Variants in STK32B observed in about 807,000 individuals in gnomAD.
The protein encoded by STK32B is serine/threonine-protein kinase 32B.
A neutral mutation model predicts 52.6 loss-of-function variants in STK32B; 43 were observed. The ratio of observed to expected loss-of-function variants is 0.82; its 90% CI spans 0.64 to 1.05. The LOEUF is 1.05. STK32B is among the 50% of genes least tolerant of loss of function. The pLI is 0.00. For synonymous variants in STK32B, 238 were observed against 204.3 expected (o/e 1.17, Z -1.41); for missense variants, 621 against 534.6 (o/e 1.16, Z -1.59).
intron 4 of STK32B, among the ~76,000 whole-genome samples, chr4:5,390,964 C>CT (rs71638602): frequency 0.14 from 16,892 of 123,954 alleles, 1,755 homozygotes; most frequent in Admixed American, 0.21. Context: ...TCTTTTCTAT[C>CT]TTTTTTTTTT....
intron 1 of STK32B, among the ~76,000 whole-genome samples, chr4:5,100,148 G>A (rs1272697306): frequency 6.6e-6 from 1 of 152,172 alleles, no homozygotes; most frequent in Non-Finnish European, 1.5e-5. Flanking sequence ...AATCCCTCTC[G>A]ATGCTCCTGA....
chr4:5,164,401 T>C (rs531835079), intron 2 of STK32B, among the ~76,000 whole-genome samples: 1 of 152,316 alleles, frequency 6.6e-6, no homozygotes, highest in South Asian at 2.1e-4. Context: ...GTCATTTGGT[T>C]TGGGCCCGTC....
rs375500712 is a variant in STK32B at position 5,460,274 on chromosome 4, C to A, written c.909+46C>A. 22 of 1,571,500 alleles carry A rather than the reference C, an allele frequency of 1.4e-5. No homozygotes were observed. Among genetic ancestry groups the A allele is most frequent in the Non-Finnish European group, 1.4e-5 (16 of 1,159,150 alleles). On this transcript the variant is annotated intron_variant, in intron 9 of 11. Transcript: ENST00000282908. This position sits in a 1 kb window ranked among gnomAD's most constrained non-coding sequence, Gnocchi z 4.8. ...ATGTCATGCCACCCCTCTGCAGGGT[C>A]CCCGCCTTGGTGCAAAGCAAGACTT...
intron 3 of STK32B, among the ~76,000 whole-genome samples, chr4:5,180,646 G>T (rs954239317): frequency 6.6e-6 from 1 of 152,140 alleles, no homozygotes; most frequent in African/African-American, 2.4e-5. Context: ...ATTGCCTGTT[G>T]GGGTCATAAG....
At chr4:5,221,848 C>G (rs1723557655) in intron 3 of STK32B, among the ~76,000 whole-genome samples, 1 of 71,238 alleles carries the variant, frequency 1.4e-5, no homozygotes, top group Non-Finnish European at 2.6e-5. Flanking sequence ...GAGCAAGACT[C>G]TGTCTCAAAA....
intron 3 of STK32B, among the ~76,000 whole-genome samples, chr4:5,215,673 A>G (rs1309736023): frequency 6.6e-6 from 1 of 152,100 alleles, no homozygotes; most frequent in Non-Finnish European, 1.5e-5. Context: ...TGTCATATTT[A>G]TGCAACATTA....
chr4:5,482,173 G>C (rs1465337576), intron 11 of STK32B, among the ~76,000 whole-genome samples: 1 of 152,108 alleles, frequency 6.6e-6, no homozygotes, highest in African/African-American at 2.4e-5. Flanking sequence ...AATTACCTTG[G>C]GCAGTATGGC....
chr4:5,447,959 C>T (rs1345316068), intron 7 of STK32B, among the ~76,000 whole-genome samples: 2 of 152,204 alleles, frequency 1.3e-5, no homozygotes, highest in Non-Finnish European at 2.9e-5. Context: ...CATGCATATT[C>T]ATGCCCATAG....
intron 3 of STK32B, among the ~76,000 whole-genome samples, chr4:5,180,551 C>T (rs1261170076): frequency 6.6e-6 from 1 of 152,148 alleles, no homozygotes; most frequent in Admixed American, 6.5e-5. Context: ...GTACCACACC[C>T]TATCTCTTCC....
At chr4:5,316,388 AAT>A (rs1240379273) in intron 3 of STK32B, among the ~76,000 whole-genome samples, 1 of 40,358 alleles carries the variant, frequency 2.5e-5, no homozygotes, top group African/African-American at 3.4e-4. Context: ...TTATATATAT[AAT>A]ATATTACATA....
At chr4:5,349,057 A>G (rs866293773) in intron 4 of STK32B, among the ~76,000 whole-genome samples, 50 of 150,760 alleles carry the variant, frequency 3.3e-4, no homozygotes, top group Admixed American at 1.7e-3. Context: ...TTGTTCTACC[A>G]TTGTGACTAC....
intron 3 of STK32B, among the ~76,000 whole-genome samples, chr4:5,264,097 A>G (rs762031662): frequency 7.2e-5 from 11 of 152,214 alleles, no homozygotes; most frequent in Non-Finnish European, 1.5e-4. Flanking sequence ...GGTTTGTACT[A>G]TTATAAATAA....
intron 3 of STK32B, among the ~76,000 whole-genome samples, chr4:5,221,245 C>T (rs1232948643): frequency 6.6e-6 from 1 of 152,174 alleles, no homozygotes; most frequent in African/African-American, 2.4e-5. Context: ...GGCATCTCTA[C>T]CTTCACAAGT....
chr4:5,298,096 TG>T (rs1729321202), intron 3 of STK32B, among the ~76,000 whole-genome samples: 2 of 152,314 alleles, frequency 1.3e-5, no homozygotes, highest in Non-Finnish European at 2.9e-5. Flanking sequence ...CCCATTTGCC[TG>T]GGTATCACCA....
intron 1 of STK32B, among the ~76,000 whole-genome samples, chr4:5,079,696 TCTCA>T (rs760800823): frequency 6.6e-6 from 1 of 152,110 alleles, no homozygotes; most frequent in Non-Finnish European, 1.5e-5. Flanking sequence ...ACCCCTCATT[TCTCA>T]CTCAGTCTAC....
Position 5,416,870 on chromosome 4 carries a change from C to T in STK32B, c.498C>T (p.Asn166=). The change falls in exon 6 of 12, where the codon AAC becomes AAT. Residue 166 remains asparagine, a synonymous_variant. Transcript: ENST00000282908. ...EHGHVHITDF[N]IATVVKGAER... The stretch of plus-strand genomic sequence containing the variant: ...GACATGTTCACATTACAGACTTCAA[C>T]ATAGCGACGGTAGTGAAAGGAGCAG... 1 of 1,613,954 alleles carries T rather than the reference C, an allele frequency of 6.2e-7. No homozygotes were observed. The highest frequency in any genetic ancestry group is 2.2e-5 in the East Asian group (1 of 44,882).
At chr4:5,169,561 A>G (rs1055408125) in intron 3 of STK32B, among the ~76,000 whole-genome samples, 2 of 152,078 alleles carry the variant, frequency 1.3e-5, no homozygotes, top group Non-Finnish European at 2.9e-5. Flanking sequence ...CATCTGAGAA[A>G]ATCAAGGTGT....
chr4:5,064,972 A>G (rs1384719090), intron 1 of STK32B, among the ~76,000 whole-genome samples: 1 of 151,436 alleles, frequency 6.6e-6, no homozygotes, highest in African/African-American at 2.4e-5. Flanking sequence ...TACACCCTCC[A>G]AGGTTGCCCC....
the STK32B span, among the ~76,000 whole-genome samples, chr4:5,037,124 G>A: frequency 6.6e-6 from 1 of 152,118 alleles, no homozygotes; most frequent in Non-Finnish European, 1.5e-5. Context: ...TGGCTGTCTA[G>A]TGCACTGTAG....
Sources: gnomAD v4.1 joint callset for allele counts (sites outside exome capture counted in the v4.1 genomes callset) on GRCh38, gnomAD v4.1.1 for gene constraint, Gnocchi (gnomAD v3.1) non-coding constraint, MANE v1.5 for transcripts, NCBI Gene and HGNC (gene_info 2026-07-23, HGNC 2026-07-21) for gene names.